Variants in NME7 observed in about 807,000 individuals in gnomAD.
NME7 encodes NME/NM23 family member 7.
A neutral mutation model predicts 49.1 loss-of-function variants in NME7; 41 were observed. The observed-to-expected ratio is 0.83, with a 90% CI of 0.65 to 1.08. NME7 has a LOEUF of 1.08. Ranked by LOEUF, NME7 falls within the 50% of genes least tolerant of loss-of-function variation. NME7 has a pLI of 0.00. For missense variants in NME7, 423 were observed against 463.4 expected, an observed-to-expected ratio of 0.91 and a Z score of 0.80; for synonymous variants, 139 against 150.6, an observed-to-expected ratio of 0.92 and a Z score of 0.56.
rs541438306 is a variant in NME7, at chr1:169,361,140, G to A, written c.3+6568C>T. Among the ~76,000 whole-genome samples the A allele has an allele frequency of 6.6e-5, 10 of 152,076 alleles. No individual in the cohort carries two copies. In the East Asian group the frequency reaches 1.5e-3, roughly 24 times the overall value. The stretch of plus-strand genomic sequence containing the variant: ...GAAAGTACTCAATAAATACTTTCTC[G>A]AATAGAAGAATAACTGGTGAATGAG... On this transcript the variant is annotated intron_variant, in intron 1 of 11. Transcript: ENST00000367811.
intron 7 of NME7, among the ~76,000 whole-genome samples, chr1:169,265,784 A>G (rs61808901): frequency 0.14 from 18,397 of 131,394 alleles, 4,419 homozygotes; most frequent in Admixed American, 0.15. Context: ...CAAAGGAGAC[A>G]TTACCACTGA....
Position 169,261,012 on chromosome 1 carries a change from C to T in NME7, c.755-23325G>A, listed in dbSNP as rs924748725. Among the ~76,000 whole-genome samples, 2 of 132,362 alleles carry T rather than the reference C, an allele frequency of 1.5e-5. 1 individual carries two copies. Among genetic ancestry groups the T allele is most frequent in the Non-Finnish European group, 3.6e-5 (2 of 56,330 alleles). 86.8% of individuals were successfully genotyped at this position (132,362 alleles called of 152,430 possible). ...ATGAATATTCCAAAGGCATGTGTGT[C>T]AGGTTGCCTCAATAACATCATTCCC... On this transcript the variant is annotated intron_variant, in intron 7 of 11. Transcript: ENST00000367811.
At chr1:169,155,116 A>G (rs563082829) in intron 11 of NME7, among the ~76,000 whole-genome samples, 1 of 152,156 alleles carries the variant, frequency 6.6e-6, no homozygotes, top group Non-Finnish European at 1.5e-5. Context: ...TCTTTAACAT[A>G]GATAAAATCA....
chr1:169,345,331 ACTTATCTCCTTTCTTTT>A (rs1421024382), intron 1 of NME7, among the ~76,000 whole-genome samples: 2 of 151,614 alleles, frequency 1.3e-5, no homozygotes, highest in Non-Finnish European at 2.9e-5. Flanking sequence ...CTACTCCAAT[ACTTATCTCCTTTCTTTT>A]CTATTTCCTT....
At chr1:169,183,346 A>T (rs2032044) in intron 10 of NME7, among the ~76,000 whole-genome samples, 56,294 of 151,916 alleles carry the variant, frequency 0.37, 10,976 homozygotes, top group East Asian at 0.73. Flanking sequence ...TATGTTAGAC[A>T]TGTCTATTAC....
chr1:169,170,588 C>T (rs1659554842), intron 10 of NME7, among the ~76,000 whole-genome samples: 1 of 151,948 alleles, frequency 6.6e-6, no homozygotes, highest in African/African-American at 2.4e-5. Context: ...TTCTGTTCTC[C>T]GTAATTTTTC....
In NME7 at chr1:169,190,902, TC is replaced by T. The variant is rs1318831060; in HGVS notation, c.991-21349del. On this transcript the variant is annotated intron_variant, in intron 10 of 11. Transcript: ENST00000367811. ...ATCTCGGCTCACTGCAAGCTCCGCC[TC>T]CCGGGTTCACGCCATTCTCCTGCCT... Among the ~76,000 whole-genome samples the T allele has an allele frequency of 3.2e-5, 3 of 94,108 alleles. 1 individual carries two copies. The highest frequency in any genetic ancestry group is 1.1e-4 in the African/African-American group (3 of 26,574). 61.7% of individuals were successfully genotyped at this position (94,108 alleles called of 152,430 possible). A position where few individuals can be genotyped will look rare whatever the true frequency, so the allele number is the denominator to read the frequency against.
chr1:169,284,901 T>C (rs1015614244), intron 7 of NME7: 6 of 152,144 alleles, frequency 3.9e-5, no homozygotes, highest in Non-Finnish European at 5.9e-5. Context: ...TGCAACATAT[T>C]TTTCCTTGAA....
At chr1:169,217,463 TA>T (rs1320895343) in intron 10 of NME7, among the ~76,000 whole-genome samples, 1 of 152,238 alleles carries the variant, frequency 6.6e-6, no homozygotes, top group Non-Finnish European at 1.5e-5. Context: ...TTGGATATAT[TA>T]AATTAACTAT....
At chr1:169,268,723 G>A (rs1159391620) in intron 7 of NME7, among the ~76,000 whole-genome samples, 1 of 133,266 alleles carries the variant, frequency 7.5e-6, no homozygotes, top group African/African-American at 2.5e-5. Context: ...TCACTTACAA[G>A]TGGAAGCTAA....
chr1:169,231,518 G>A (rs1440926171), intron 9 of NME7, among the ~76,000 whole-genome samples: 1 of 152,224 alleles, frequency 6.6e-6, no homozygotes, highest in East Asian at 1.9e-4. Flanking sequence ...AGAGATGAGG[G>A]GAGTATGCAG....
At chr1:169,274,139 C>T (rs1219019494) in intron 7 of NME7, among the ~76,000 whole-genome samples, 1 of 131,594 alleles carries the variant, frequency 7.6e-6, no homozygotes, top group African/African-American at 2.6e-5. Context: ...TGTATCCTGA[C>T]TTTTTAATGA....
At chr1:169,182,507 A>G (rs994611631) in intron 10 of NME7, among the ~76,000 whole-genome samples, 3 of 152,098 alleles carry the variant, frequency 2.0e-5, no homozygotes, top group Non-Finnish European at 4.4e-5. Flanking sequence ...ATTTGTTACC[A>G]AGTCACACAG....
chr1:169,284,191 TA>T (rs1381387824), intron 7 of NME7: 1 of 152,134 alleles, frequency 6.6e-6, no homozygotes, highest in Non-Finnish European at 1.5e-5. Flanking sequence ...TTTATTTCAT[TA>T]AGTTGATCTT....
chr1:169,204,614 G>A (rs927099468), intron 10 of NME7, among the ~76,000 whole-genome samples: 1 of 151,986 alleles, frequency 6.6e-6, no homozygotes, highest in African/African-American at 2.4e-5. Context: ...CACTCTCTCG[G>A]AAACCTTACG....
At chr1:169,178,121 G>A (rs967796566) in intron 10 of NME7, among the ~76,000 whole-genome samples, 1 of 152,114 alleles carries the variant, frequency 6.6e-6, no homozygotes, top group Admixed American at 6.5e-5. Context: ...TTACAGGCGT[G>A]AGCCACCGTG....
chr1:169,353,836 CA>C (rs1402354457), intron 1 of NME7, among the ~76,000 whole-genome samples: 4 of 152,006 alleles, frequency 2.6e-5, no homozygotes, highest in Non-Finnish European at 5.9e-5. Flanking sequence ...AAATGCAAAT[CA>C]AAACTACAAT....
chr1:169,344,544 CACTTCT>C (rs1484773918), intron 1 of NME7, among the ~76,000 whole-genome samples: 5 of 152,158 alleles, frequency 3.3e-5, no homozygotes. Flanking sequence ...GTTCAAAGTT[CACTTCT>C]ACTTCTAATT....
rs138123844 is a variant in NME7, at chr1:169,352,115, C to CA, written c.3+15592dup. ...ATACCAAAACCAGACAACAACACATCAAAAAAAAAAGAATGAAAAAGAAAA... is the reference window on the plus strand; with the variant it reads ...ATACCAAAACCAGACAACAACACATCAAAAAAAAAAAGAATGAAAAAGAAAA... On this transcript the variant is annotated intron_variant, in intron 1 of 11. Transcript: ENST00000367811. 2.5e-3 allele frequency among the ~76,000 whole-genome samples: 359 copies of CA among 145,926 alleles called. 1 individual carries two copies. Among genetic ancestry groups the CA allele is most frequent in the African/African-American group, 3.0e-3 (120 of 40,030 alleles).
Sources: allele counts gnomAD v4.1 joint callset (sites outside exome capture counted in the v4.1 genomes callset), GRCh38; gene constraint gnomAD v4.1.1; transcripts MANE v1.5; gene names NCBI Gene and HGNC (gene_info 2026-07-23, HGNC 2026-07-21).